The following RPIA variants were observed in gnomAD, a reference collection of about 807,000 sequenced individuals.
The protein encoded by RPIA is ribose 5-phosphate isomerase A.
Under a neutral mutation model 37.8 loss-of-function variants are expected in RPIA, and 29 were observed. The observed-to-expected ratio is 0.77, with a 90% CI of 0.57 to 1.05. The LOEUF is 1.05. RPIA is among the 50% of genes least tolerant of loss of function. RPIA has a pLI of 0.00. For synonymous variants in RPIA, 167 were observed against 157.0 expected (o/e 1.06, Z -0.48); for missense variants, 385 against 413.6 (o/e 0.93, Z 0.60).
chr2:88,733,248 G>A (rs1028849755), intron 4 of RPIA, among the ~76,000 whole-genome samples: 1 of 152,194 alleles, frequency 6.6e-6, no homozygotes, highest in Non-Finnish European at 1.5e-5. Flanking sequence ...AGGACAGAGT[G>A]AGTGTACTGC....
chr2:88,741,213 C>T (rs1262932361), intron 8 of RPIA, among the ~76,000 whole-genome samples: 3 of 152,162 alleles, frequency 2.0e-5, no homozygotes, highest in African/African-American at 7.2e-5. Context: ...TTGTCCCACT[C>T]TCACCCTTTC....
intron 3 of RPIA, among the ~76,000 whole-genome samples, chr2:88,719,091 T>TGTA (rs2104106975): frequency 6.6e-6 from 1 of 152,240 alleles, no homozygotes; most frequent in African/African-American, 2.4e-5. Context: ...GTGAGAAACT[T>TGTA]GTATTCAAGA....
intron 3 of RPIA, among the ~76,000 whole-genome samples, chr2:88,721,180 A>T (rs13403190): frequency 3.3e-5 from 5 of 152,076 alleles, no homozygotes; most frequent in African/African-American, 1.2e-4. Flanking sequence ...ACACATGGAT[A>T]CAGGGAGGGG....
At chr2:88,746,156 C>T (rs1673435407) in intron 8 of RPIA, among the ~76,000 whole-genome samples, 1 of 152,004 alleles carries the variant, frequency 6.6e-6, no homozygotes, top group South Asian at 2.1e-4. Context: ...TTTATGATAT[C>T]TGTTTCTCTG....
chr2:88,696,890 G>A (rs984073158), intron 1 of RPIA, among the ~76,000 whole-genome samples: 13 of 152,262 alleles, frequency 8.5e-5, no homozygotes, highest in African/African-American at 3.1e-4. Context: ...ACCTCTTAAA[G>A]GTCCCACTTC....
At chr2:88,702,689 G>T (rs1672846565) in intron 3 of RPIA, among the ~76,000 whole-genome samples, 1 of 152,148 alleles carries the variant, frequency 6.6e-6, no homozygotes, top group South Asian at 2.1e-4. Context: ...CTTTGGGTGG[G>T]GACAGAATGC....
In RPIA at chr2:88,750,306, G is replaced by T; in HGVS notation, c.*228G>T. ...TATATTTTTACTATTAAAATATTCA[G>T]TTTTTTAAATGAAGTAGAACTTGAG... On this transcript the variant is annotated 3_prime_UTR_variant, in exon 9 of 9. Coordinates refer to ENST00000283646, the MANE Select transcript of RPIA (RefSeq NM_144563.3). The T allele has an allele frequency of 1.1e-5, 4 of 376,376 alleles. No individual in the cohort carries two copies. Among genetic ancestry groups the T allele is most frequent in the South Asian group, 1.1e-4 (2 of 17,618 alleles). 23.3% of individuals were successfully genotyped at this position (376,376 alleles called of 1,614,324 possible). A position where few individuals can be genotyped will look rare whatever the true frequency, so the allele number is the denominator to read the frequency against.
chr2:88,723,763 G>A (rs1673162445), intron 3 of RPIA, among the ~76,000 whole-genome samples: 1 of 152,122 alleles, frequency 6.6e-6, no homozygotes, highest in Non-Finnish European at 1.5e-5. Context: ...CACCTCAGGA[G>A]GTCCTGACGA....
At chr2:88,698,633 G>T in intron 2 of RPIA, 89 bp downstream of exon 2, 2 of 1,235,680 alleles carry the variant, frequency 1.6e-6, no homozygotes. Flanking sequence ...CACAGGTTTG[G>T]CATTGCCCTT....
chr2:88,734,095 T>G (rs966861124), intron 4 of RPIA, among the ~76,000 whole-genome samples: 5 of 152,164 alleles, frequency 3.3e-5, no homozygotes, highest in Non-Finnish European at 5.9e-5. Context: ...TCAGTTTTTT[T>G]TTTTTGCATT....
intron 3 of RPIA, among the ~76,000 whole-genome samples, chr2:88,716,695 A>G (rs1227446379): frequency 6.6e-6 from 1 of 152,140 alleles, no homozygotes; most frequent in African/African-American, 2.4e-5. Flanking sequence ...TTCCCACTCA[A>G]ACGTAAACTT....
chr2:88,735,627 AT>A lies in RPIA; in HGVS notation c.528-37del, dbSNP rs372550449. 3.7e-4 allele frequency: 588 copies of A among 1,593,028 alleles called. 6 individuals carry two copies. The South Asian group carries it at 6.1e-3, about 16-fold the overall frequency. On this transcript the variant is annotated intron_variant, in intron 5 of 8. Transcript: ENST00000283646. The stretch of plus-strand genomic sequence containing the variant: ...ATTTAACCTTAGTTCCCAAACTGAG[AT>A]TTTTGTCTTACTCCTGTGTTCCTTT...
chr2:88,748,297 C>T (rs1673462178), intron 8 of RPIA, among the ~76,000 whole-genome samples: 1 of 152,026 alleles, frequency 6.6e-6, no homozygotes, highest in South Asian at 2.1e-4. Flanking sequence ...TTCCTTGTTC[C>T]TTTTTTTTCT....
chr2:88,693,055 A>T (rs1410676933), intron 1 of RPIA, among the ~76,000 whole-genome samples: 1 of 152,194 alleles, frequency 6.6e-6, no homozygotes, highest in South Asian at 2.1e-4. Flanking sequence ...TAACAGAGAT[A>T]ATGTAAAATG....
chr2:88,701,291 G>A (rs1672828660), intron 3 of RPIA, among the ~76,000 whole-genome samples: 1 of 147,124 alleles, frequency 6.8e-6, no homozygotes, highest in Admixed American at 6.8e-5. Context: ...TTGAGGCAAT[G>A]CTTTTAAAGC....
At chr2:88,743,695 ACTGTT>A (rs1372032164) in intron 8 of RPIA, among the ~76,000 whole-genome samples, 1 of 151,816 alleles carries the variant, frequency 6.6e-6, no homozygotes, top group Non-Finnish European at 1.5e-5. Flanking sequence ...TTTTTTAATT[ACTGTT>A]TCAGTGTCGC....
chr2:88,712,473 A>T (rs1228266113), intron 3 of RPIA, among the ~76,000 whole-genome samples: 1 of 152,182 alleles, frequency 6.6e-6, no homozygotes, highest in Admixed American at 6.5e-5. Context: ...TTCTGAATGG[A>T]TAAATGGAAG....
chr2:88,742,274 T>A (rs1408253551), intron 8 of RPIA, among the ~76,000 whole-genome samples: 5 of 152,180 alleles, frequency 3.3e-5, no homozygotes. Flanking sequence ...ATGTGGCTTG[T>A]CAGTTATCCC....
At chr2:88,698,012 G>A (rs1262858902) in intron 1 of RPIA, among the ~76,000 whole-genome samples, 1 of 150,646 alleles carries the variant, frequency 6.6e-6, no homozygotes, top group African/African-American at 2.4e-5. Flanking sequence ...TTTCTTAGGT[G>A]TTTTTCTAAT....
Sources: allele counts gnomAD v4.1 joint callset (sites outside exome capture counted in the v4.1 genomes callset), GRCh38; gene constraint gnomAD v4.1.1; transcripts MANE v1.5; gene names NCBI Gene and HGNC (gene_info 2026-07-23, HGNC 2026-07-21).